The following PRICKLE2 variants were observed in gnomAD, a reference collection of about 807,000 sequenced individuals.
The protein encoded by PRICKLE2 is prickle-like protein 2.
In PRICKLE2, 21 loss-of-function variants were observed where a neutral mutation model predicts 81.4. That is an observed-to-expected ratio of 0.26 (90% CI 0.18 to 0.37). PRICKLE2 has a LOEUF of 0.37. Ranked by LOEUF, PRICKLE2 falls within the 10% of genes least tolerant of loss-of-function variation. The pLI is 1.00. For synonymous variants in PRICKLE2, 456 were observed against 421.5 expected (o/e 1.08, Z -1.00); for missense variants, 940 against 1,109.0 (o/e 0.85, Z 2.16).
chr3:64,118,871 T>TGGG (rs879425627), intron 7 of PRICKLE2, among the ~76,000 whole-genome samples: 1 of 151,910 alleles, frequency 6.6e-6, no homozygotes, highest in Non-Finnish European at 1.5e-5. Context: ...CAAATAAATA[T>TGGG]TATATCCAAA....
At chr3:64,177,125 CTT>C (rs10690677) in intron 2 of PRICKLE2, among the ~76,000 whole-genome samples, 34 of 70,852 alleles carry the variant, frequency 4.8e-4, no homozygotes, top group African/African-American at 1.8e-3. Flanking sequence ...CCATTTTAAC[CTT>C]TTTTTTTTTT....
intron 7 of PRICKLE2, among the ~76,000 whole-genome samples, chr3:64,137,399 C>T (rs1047303101): frequency 5.9e-5 from 9 of 152,288 alleles, no homozygotes; most frequent in East Asian, 1.9e-4. Flanking sequence ...CCACCCTGGA[C>T]GAATTTTCCA....
intron 5 of PRICKLE2, among the ~76,000 whole-genome samples, chr3:64,156,101 G>C (rs943725910): frequency 3.3e-5 from 5 of 152,176 alleles, no homozygotes; most frequent in Non-Finnish European, 7.3e-5. Flanking sequence ...GCTGTATTCT[G>C]AGCACCAATT....
At chr3:64,222,794 G>T (rs1053752895) in intron 1 of PRICKLE2, among the ~76,000 whole-genome samples, 2 of 152,176 alleles carry the variant, frequency 1.3e-5, no homozygotes, top group African/African-American at 2.4e-5. Flanking sequence ...GAAAGAAAAG[G>T]ACTGTCTCTC....
At chr3:64,169,616 C>T (rs1351190372) in intron 2 of PRICKLE2, among the ~76,000 whole-genome samples, 3 of 152,140 alleles carry the variant, frequency 2.0e-5, no homozygotes, top group Non-Finnish European at 4.4e-5. Flanking sequence ...AGGAGAAACA[C>T]TAGTTTAAGG....
intron 2 of PRICKLE2, among the ~76,000 whole-genome samples, chr3:64,192,876 C>A (rs2078371250): frequency 6.6e-6 from 1 of 152,328 alleles, no homozygotes; most frequent in South Asian, 2.1e-4. Flanking sequence ...TCCATGAACA[C>A]TTGGGAGCAT....
chr3:64,210,924 G>GAAC (rs2078775839), intron 1 of PRICKLE2, among the ~76,000 whole-genome samples: 1 of 152,158 alleles, frequency 6.6e-6, no homozygotes, highest in Non-Finnish European at 1.5e-5. Flanking sequence ...GCCTGACAGG[G>GAAC]AACAGAAGAA....
At position 64,260,413 on chromosome 3, in the gene PRICKLE2, A is replaced by C. The variant is rs373541784; in HGVS notation, c.129-61446T>G. ...TTCATTCCAAATCTAACATTCTCTA[A>C]TTCTTTATGTACAACAACAGTTCTT... On this transcript the variant is annotated intron_variant, in intron 2 of 8. Coordinates refer to the PRICKLE2 transcript ENST00000295902. Among the ~76,000 whole-genome samples the C allele has an allele frequency of 8.9e-4, 136 of 152,328 alleles. 2 individuals are homozygous for C. The South Asian group carries it at 0.028, about 31-fold the overall frequency.
At chr3:64,201,815 CT>C (rs1190040872) in intron 1 of PRICKLE2, among the ~76,000 whole-genome samples, 4 of 152,082 alleles carry the variant, frequency 2.6e-5, no homozygotes, top group African/African-American at 9.6e-5. Context: ...CATTGCATAA[CT>C]CACGGTCATA....
chr3:64,249,783 T>TA (rs2079417763), intron 2 of PRICKLE2, among the ~76,000 whole-genome samples: 1 of 152,226 alleles, frequency 6.6e-6, no homozygotes, highest in African/African-American at 2.4e-5. Flanking sequence ...TTCCAGACTA[T>TA]AATAAATGCT....
chr3:64,120,355 A>G (rs147864761), intron 7 of PRICKLE2, among the ~76,000 whole-genome samples: 92 of 152,334 alleles, frequency 6.0e-4, no homozygotes, highest in African/African-American at 2.1e-3. Context: ...TAAGAGCATA[A>G]AATGCACTGG....
intron 1 of PRICKLE2, among the ~76,000 whole-genome samples, chr3:64,222,334 C>A (rs1235187955): frequency 6.6e-6 from 1 of 152,160 alleles, no homozygotes; most frequent in Non-Finnish European, 1.5e-5. Flanking sequence ...CAGGAACGAC[C>A]AACTCCCAGT....
At position 64,092,339 on chromosome 3, in the gene PRICKLE2, T is replaced by C. The variant is rs762833893; in HGVS notation, c.*6712A>G. ...CCCAAGTCCTTGTGATTAGCTAGGGTGGGTAAGACTACTTACTATTCCGAA... is the reference window on the plus strand; with the variant it reads ...CCCAAGTCCTTGTGATTAGCTAGGGCGGGTAAGACTACTTACTATTCCGAA... On this transcript the variant is annotated 3_prime_UTR_variant, in exon 8 of 8. Coordinates refer to ENST00000638394, the MANE Select transcript of PRICKLE2 (RefSeq NM_198859.4). 4.6e-5 allele frequency: 7 copies of C among 152,200 alleles called. No individual in the cohort carries two copies. Among genetic ancestry groups the C allele is most frequent in the Non-Finnish European group, 1.0e-4 (7 of 68,024 alleles). The allele number at this position is 152,200 out of a possible 1,614,324, so 9.4% of individuals were successfully genotyped here.
At chr3:64,183,570 C>T (rs2078170777) in intron 2 of PRICKLE2, among the ~76,000 whole-genome samples, 1 of 152,038 alleles carries the variant, frequency 6.6e-6, no homozygotes, top group South Asian at 2.1e-4. Context: ...TTTTAAGTTG[C>T]CTTCATTCGG....
rs1225418480 is a variant in PRICKLE2, at chr3:64,163,135, G to A, written c.145-6C>T. On this transcript the variant is annotated splice_region_variant and splice_polypyrimidine_tract_variant and intron_variant, in intron 2 of 7. Coordinates refer to ENST00000638394, the MANE Select transcript of PRICKLE2 (RefSeq NM_198859.4). ...CAGCTATAGTACTGGTGTACCTGAAGGACAGAAAGCATATAGATGACTTGC... is the reference window on the plus strand; with the variant it reads ...CAGCTATAGTACTGGTGTACCTGAAAGACAGAAAGCATATAGATGACTTGC... 3 of 1,540,430 alleles carry A rather than the reference G, an allele frequency of 1.9e-6. No individual in the cohort carries two copies. The highest frequency in any genetic ancestry group is 1.7e-5 in the Admixed American group (1 of 59,908).
intron 2 of PRICKLE2, among the ~76,000 whole-genome samples, chr3:64,255,262 G>A (rs1346482730): frequency 1.3e-5 from 2 of 152,154 alleles, no homozygotes; most frequent in African/African-American, 4.8e-5. Context: ...CTTACTTCTT[G>A]TTCCATGTGA....
At position 64,253,645 on chromosome 3, in the gene PRICKLE2, G is replaced by A. The variant is rs539044707; in HGVS notation, c.129-54678C>T. On this transcript the variant is annotated intron_variant, in intron 2 of 8. Coordinates refer to the PRICKLE2 transcript ENST00000295902. ...CATGCCTTATTTGGAAGGCAACCAT[G>A]AGACAAGTGCTGGATCTGCTGACGG... Among the ~76,000 whole-genome samples, 3 of 152,294 alleles carry A rather than the reference G, an allele frequency of 2.0e-5. No homozygotes were observed. In the East Asian group the frequency reaches 5.8e-4, roughly 29 times the overall value.
At chr3:64,246,948 C>G (rs1300316458) in intron 2 of PRICKLE2, among the ~76,000 whole-genome samples, 1 of 152,226 alleles carries the variant, frequency 6.6e-6, no homozygotes, top group Non-Finnish European at 1.5e-5. Flanking sequence ...TTCATTCATT[C>G]TCAGCAATAC....
At chr3:64,223,971 C>T (rs1262109668) in intron 1 of PRICKLE2, among the ~76,000 whole-genome samples, 3 of 152,192 alleles carry the variant, frequency 2.0e-5, no homozygotes, top group African/African-American at 4.8e-5. Context: ...ATTCAGTACA[C>T]GGCAGTCTAT....
Sources: gnomAD v4.1 joint callset for allele counts (sites outside exome capture counted in the v4.1 genomes callset) on GRCh38, gnomAD v4.1.1 for gene constraint, MANE v1.5 for transcripts, NCBI Gene and HGNC (gene_info 2026-07-23, HGNC 2026-07-21) for gene names.